Variants in EXPH5 observed in about 807,000 individuals in gnomAD.
EXPH5 encodes exophilin-5.
EXPH5 carries 42 observed loss-of-function variants against 41.1 expected under a neutral mutation model. The observed-to-expected ratio is 1.02, with a 90% confidence interval of 0.80 to 1.32. The LOEUF is 1.32. EXPH5 is among the 40% of genes most tolerant of loss of function. The probability of loss-of-function intolerance (pLI) is 0.00; values close to 1 mark genes in which losing one functional copy is unlikely to be tolerated. For synonymous variants in EXPH5, 798 were observed against 833.5 expected (o/e 0.96, Z 0.73); for missense variants, 2,298 against 2,314.5 (o/e 0.99, Z 0.15).
At chr11:108,522,692 A>G (rs1477308632) in intron 4 of EXPH5, among the ~76,000 whole-genome samples, 1 of 152,072 alleles carries the variant, frequency 6.6e-6, no homozygotes, top group African/African-American at 2.4e-5. Context: ...AGAGAAGTAA[A>G]TCTCTCCAGG....
In EXPH5 at chr11:108,510,903, G is replaced by T; in HGVS notation, c.4604C>A (p.Ser1535Tyr). Reference sequence around the variant, plus strand: ...TCTTTGAGGTAATTCTCTTGGTTCAGACTGCAGACTCTCTAAGTTTGGTTC... The same window carrying T: ...TCTTTGAGGTAATTCTCTTGGTTCATACTGCAGACTCTCTAAGTTTGGTTC... ...SDEPNLESLQ[S>Y]EPRELPQRSQ... The change falls in exon 6 of 6, where the codon TCT becomes TAT. Residue 1535 changes from serine (S) to tyrosine (Y), a missense_variant. By Grantham distance (144) the Ser-to-Tyr change is moderately radical. Coordinates refer to ENST00000265843, the MANE Select transcript of EXPH5 (RefSeq NM_015065.3). The T allele has an allele frequency of 6.2e-7, 1 of 1,614,176 alleles. No individual in the cohort carries two copies. The highest frequency in any genetic ancestry group is 8.5e-7 in the Non-Finnish European group (1 of 1,180,036).
intron 1 of EXPH5, among the ~76,000 whole-genome samples, chr11:108,593,054 C>T (rs889564219): frequency 6.6e-6 from 1 of 152,202 alleles, no homozygotes; most frequent in Admixed American, 6.5e-5. Context: ...CTCTCCAGAT[C>T]GCGCCCCCGC....
At position 108,510,668 on chromosome 11, in the gene EXPH5, T is replaced by C. The variant is rs1437235959; in HGVS notation, c.4839A>G (p.Arg1613=). 12 of 1,614,064 alleles carry C rather than the reference T, an allele frequency of 7.4e-6. No individual in the cohort carries two copies. The highest frequency in any genetic ancestry group is 1.6e-4 in the Middle Eastern group (1 of 6,084). The change falls in exon 6 of 6, where the codon AGA becomes AGG. Residue 1613 remains arginine (R), a synonymous_variant. Coordinates refer to ENST00000265843, the MANE Select transcript of EXPH5 (RefSeq NM_015065.3). Reference sequence around the variant, plus strand: ...GGGGGAAGATAGTAGCTACATGTCTTCTGGGGCTTACATCTTTAGCTGGGA... The same window carrying C: ...GGGGGAAGATAGTAGCTACATGTCTCCTGGGGCTTACATCTTTAGCTGGGA... ...RKFPAKDVSP[R]RHVATIFPQS...
chr11:108,560,567 T>A (rs906970000), intron 1 of EXPH5, among the ~76,000 whole-genome samples: 4 of 152,356 alleles, frequency 2.6e-5, no homozygotes, highest in African/African-American at 7.2e-5. Context: ...TTAGAATGAT[T>A]ATTCTGCCTC....
At position 108,548,109 on chromosome 11, in the gene EXPH5, T is replaced by TAAA. The variant is rs66485994; in HGVS notation, c.120-6300_120-6298dup. Among the ~76,000 whole-genome samples the TAAA allele has an allele frequency of 1.5e-3, 159 of 108,184 alleles. 3 individuals carry two copies. The highest frequency in any genetic ancestry group is 3.3e-3 in the African/African-American group (83 of 24,924). The allele number at this position is 108,184 out of a possible 152,430, so 71.0% of individuals were successfully genotyped here. A position where few individuals can be genotyped will look rare whatever the true frequency, so the allele number is the denominator to read the frequency against. On this transcript the variant is annotated intron_variant, in intron 1 of 5. Transcript: ENST00000265843. ...GGGCGACAGAGTGACACTTCATCTT[T>TAAA]AAAAAAAAAAAAAAAAAAAAAAAAA...
chr11:108,593,051 G>C (rs1485136425), intron 1 of EXPH5, among the ~76,000 whole-genome samples: 1 of 152,202 alleles, frequency 6.6e-6, no homozygotes, highest in East Asian at 1.9e-4. Context: ...TTCCTCTCCA[G>C]ATCGCGCCCC....
chr11:108,529,077 A>G (rs921082110), intron 3 of EXPH5, among the ~76,000 whole-genome samples: 11 of 151,698 alleles, frequency 7.3e-5, no homozygotes, highest in African/African-American at 9.7e-5. Context: ...GTTTCTTTGC[A>G]TTTTTATTTT....
At chr11:108,524,302 G>A (rs2135968730) in intron 4 of EXPH5, among the ~76,000 whole-genome samples, 1 of 152,298 alleles carries the variant, frequency 6.6e-6, no homozygotes, top group East Asian at 1.9e-4. Flanking sequence ...CATTGCCTAG[G>A]GTTGCTGTAA....
At chr11:108,571,180 T>C (rs2094058693) in intron 1 of EXPH5, among the ~76,000 whole-genome samples, 1 of 151,952 alleles carries the variant, frequency 6.6e-6, no homozygotes. Flanking sequence ...CTGGAGGGAG[T>C]GTGTTACTCA....
At chr11:108,544,053 C>T (rs1005315957) in intron 1 of EXPH5, among the ~76,000 whole-genome samples, 1 of 152,192 alleles carries the variant, frequency 6.6e-6, no homozygotes, top group East Asian at 1.9e-4. Flanking sequence ...AGGCACCACC[C>T]TTTTCTGTTT....
chr11:108,542,898 T>C (rs561386729), intron 1 of EXPH5, among the ~76,000 whole-genome samples: 15 of 152,238 alleles, frequency 9.9e-5, no homozygotes, highest in African/African-American at 3.6e-4. Flanking sequence ...TCTGTATTTT[T>C]AGTAGAGACG....
intron 4 of EXPH5, among the ~76,000 whole-genome samples, chr11:108,524,652 G>A (rs2093786531): frequency 6.6e-6 from 1 of 152,150 alleles, no homozygotes; most frequent in Admixed American, 6.5e-5. Flanking sequence ...GAGTACTTGA[G>A]AACTTCCTAG....
rs1337218284 is a variant in EXPH5, at chr11:108,593,338, C to G, written c.119+80G>C. 3.9e-6 allele frequency: 5 copies of G among 1,298,266 alleles called. No homozygotes were observed. In the Admixed American group the frequency reaches 9.7e-5, roughly 25 times the overall value. The allele number at this position is 1,298,266 out of a possible 1,614,324, so 80.4% of individuals were successfully genotyped here. A position where few individuals can be genotyped will look rare whatever the true frequency, so the allele number is the denominator to read the frequency against. ...AGCACCCCCGGGCAGGTGCCCCGCG[C>G]GAGCTCAGCGCCTTCCCCGCGGATC... On this transcript the variant is annotated intron_variant, in intron 1 of 5. Coordinates refer to ENST00000265843, the MANE Select transcript of EXPH5 (RefSeq NM_015065.3).
At chr11:108,538,233 G>C in intron 3 of EXPH5, 1 of 985,440 alleles carries the variant, frequency 1.0e-6, no homozygotes. Flanking sequence ...CGTGTGGTTT[G>C]ACGGCACGCG....
intron 1 of EXPH5, among the ~76,000 whole-genome samples, chr11:108,573,977 C>A (rs1288844299): frequency 6.6e-6 from 1 of 152,090 alleles, no homozygotes; most frequent in African/African-American, 2.4e-5. Flanking sequence ...TCTCGGCTCA[C>A]TGCAAGCTCC....
intron 3 of EXPH5, among the ~76,000 whole-genome samples, chr11:108,535,290 G>A (rs754083863): frequency 1.3e-5 from 2 of 152,112 alleles, no homozygotes; most frequent in Admixed American, 6.6e-5. Flanking sequence ...AATAATGATC[G>A]GTCAGACCAG....
At position 108,511,950 on chromosome 11, in the gene EXPH5, TG is replaced by T; in HGVS notation, c.3556del (p.Gln1186LysfsTer59). 1 of 1,600,540 alleles carries T rather than the reference TG, an allele frequency of 6.2e-7. No homozygotes were observed. On this transcript the variant is annotated frameshift_variant, in exon 6 of 6. Transcript: ENST00000265843. LOFTEE classifies it low-confidence loss of function (END_TRUNC). ...TKRQHQKENF[Q>X]EYTEKEGKMA... ...TTTACCCTCTTTCTCAGTGTATTCTTGGAAGTTTTCCTTTTGGTGTTGTCTT... is the reference window on the plus strand; with the variant it reads ...TTTACCCTCTTTCTCAGTGTATTCTTGAAGTTTTCCTTTTGGTGTTGTCTT...
intron 1 of EXPH5, among the ~76,000 whole-genome samples, chr11:108,553,587 C>G (rs1311144270): frequency 1.3e-5 from 2 of 152,194 alleles, no homozygotes; most frequent in Non-Finnish European, 2.9e-5. Flanking sequence ...CACTGAATAA[C>G]TTGTCATGTG....
At chr11:108,533,562 T>C (rs1221933393) in intron 3 of EXPH5, among the ~76,000 whole-genome samples, 1 of 152,174 alleles carries the variant, frequency 6.6e-6, no homozygotes, top group Admixed American at 6.5e-5. Context: ...GCCTCTACCT[T>C]AGTTTAGGCC....
Sources: gnomAD v4.1 joint callset for allele counts (sites outside exome capture counted in the v4.1 genomes callset) on GRCh38, gnomAD v4.1.1 for gene constraint, MANE v1.5 for transcripts, NCBI Gene and HGNC (gene_info 2026-07-23, HGNC 2026-07-21) for gene names.